The following PBX1 variants were observed in gnomAD, a reference collection of about 807,000 sequenced individuals.
PBX1 encodes pre-B-cell leukemia transcription factor 1.
A neutral mutation model predicts 53.4 loss-of-function variants in PBX1; 6 were observed. The observed-to-expected ratio is 0.11, with a 90% CI of 0.06 to 0.22. The LOEUF is 0.22. Among genes scored for constraint, PBX1 ranks in the 10% least tolerant of loss-of-function variants. PBX1 has a pLI of 1.00. For synonymous variants in PBX1, 204 were observed against 212.3 expected, an observed-to-expected ratio of 0.96 and a Z score of 0.34; for missense variants, 251 against 551.4, an observed-to-expected ratio of 0.46 and a Z score of 5.46.
intron 2 of PBX1, among the ~76,000 whole-genome samples, chr1:164,654,731 A>G (rs1305245956): frequency 6.6e-6 from 1 of 152,240 alleles, no homozygotes; most frequent in East Asian, 1.9e-4. Flanking sequence ...TCAGTTATGT[A>G]GCATTTAAGG....
chr1:164,612,453 A>AGCCCTG (rs1657000316), intron 2 of PBX1, among the ~76,000 whole-genome samples: 1 of 152,066 alleles, frequency 6.6e-6, no homozygotes. Flanking sequence ...CACCTCTCGT[A>AGCCCTG]GCTCTGGTTT....
intron 5 of PBX1, among the ~76,000 whole-genome samples, chr1:164,809,657 T>G (rs1464888171): frequency 3.9e-5 from 6 of 152,206 alleles, no homozygotes; most frequent in African/African-American, 1.4e-4. Context: ...GGAATACCTC[T>G]TGGGCTGTAT....
intron 2 of PBX1, chr1:164,772,988 A>G (rs1340413901): frequency 6.6e-6 from 1 of 152,190 alleles, no homozygotes; most frequent in East Asian, 1.9e-4. Context: ...TATCAGAACT[A>G]TCATAAGGCC....
At chr1:164,763,774 G>A (rs940860491) in intron 2 of PBX1, among the ~76,000 whole-genome samples, 1 of 152,210 alleles carries the variant, frequency 6.6e-6, no homozygotes, top group Non-Finnish European at 1.5e-5. Context: ...AGGAGGTGAT[G>A]TACTTCCCAA....
intron 2 of PBX1, among the ~76,000 whole-genome samples, chr1:164,604,479 G>A (rs1326739125): frequency 6.6e-6 from 1 of 152,306 alleles, no homozygotes; most frequent in East Asian, 1.9e-4. Flanking sequence ...CCTACTGTGT[G>A]CCAGGATGCC....
At chr1:164,632,883 G>A (rs1658497956) in intron 2 of PBX1, among the ~76,000 whole-genome samples, 1 of 152,084 alleles carries the variant, frequency 6.6e-6, no homozygotes, top group South Asian at 2.1e-4. Flanking sequence ...CTAAAAAGTG[G>A]GAAATGGATT....
intron 2 of PBX1, among the ~76,000 whole-genome samples, chr1:164,587,573 A>G (rs1655035743): frequency 6.6e-6 from 1 of 151,732 alleles, no homozygotes; most frequent in African/African-American, 2.4e-5. Context: ...GATGTCATGC[A>G]CTCTTATTCA....
intron 2 of PBX1, among the ~76,000 whole-genome samples, chr1:164,761,120 T>C (rs971912531): frequency 1.3e-5 from 2 of 152,208 alleles, no homozygotes; most frequent in Non-Finnish European, 2.9e-5. Context: ...ACCACTTCCC[T>C]CCTCCATACC....
At chr1:164,884,985 A>G (rs1213287) in intron 2 of PBX1, among the ~76,000 whole-genome samples, 54,617 of 152,110 alleles carry the variant, frequency 0.36, 12,037 homozygotes, top group East Asian at 0.56. Context: ...ACATAGGGAG[A>G]AGGCAGTGAA....
At chr1:164,729,713 A>T (rs1381563726) in intron 2 of PBX1, among the ~76,000 whole-genome samples, 1 of 152,176 alleles carries the variant, frequency 6.6e-6, no homozygotes, top group African/African-American at 2.4e-5. Flanking sequence ...ACAGCTTATA[A>T]GTGGCATATT....
chr1:164,877,255 CA>C (rs113396239), intron 2 of PBX1, among the ~76,000 whole-genome samples: 107 of 131,052 alleles, frequency 8.2e-4, no homozygotes, highest in Admixed American at 1.0e-3. Context: ...CAGTGATGGG[CA>C]AAAAAAAAAA....
At chr1:164,738,606 C>T (rs1665425431) in intron 2 of PBX1, among the ~76,000 whole-genome samples, 2 of 152,188 alleles carry the variant, frequency 1.3e-5, no homozygotes, top group South Asian at 4.1e-4. Context: ...GAAACAACCA[C>T]ACCATTTTCC....
At chr1:164,883,308 A>C (rs1672705382) in intron 2 of PBX1, among the ~76,000 whole-genome samples, 1 of 152,122 alleles carries the variant, frequency 6.6e-6, no homozygotes, top group African/African-American at 2.4e-5. Context: ...GCTATTGTCA[A>C]CTCAATCAAT....
chr1:164,848,849 C>T lies in PBX1; in HGVS notation c.*2173C>T. 9.4e-7 allele frequency: 1 copy of T among 1,065,132 alleles called. No individual in the cohort carries two copies. Among genetic ancestry groups the T allele is most frequent in the Non-Finnish European group, 1.1e-6 (1 of 879,298 alleles). 66.0% of individuals were successfully genotyped at this position (1,065,132 alleles called of 1,614,324 possible). ...AAAACACTGTGTGTGCTCAGGGGAG[C>T]AGGGGATGCCACTGAAGAAACTCAA... On this transcript the variant is annotated 3_prime_UTR_variant, in exon 9 of 9. Coordinates refer to ENST00000420696, the MANE Select transcript of PBX1 (RefSeq NM_002585.4).
chr1:164,713,648 G>T (rs1401914509), intron 2 of PBX1, among the ~76,000 whole-genome samples: 1 of 152,144 alleles, frequency 6.6e-6, no homozygotes, highest in African/African-American at 2.4e-5. Flanking sequence ...TGGTGGGAAA[G>T]AGGGGAAAGG....
chr1:164,732,919 C>T (rs1244742329), intron 2 of PBX1, among the ~76,000 whole-genome samples: 2 of 152,166 alleles, frequency 1.3e-5, no homozygotes, highest in Admixed American at 6.5e-5. Flanking sequence ...CCACTTTGGT[C>T]TTCCTTTGTC....
chr1:164,618,704 A>G (rs532228175), intron 2 of PBX1, among the ~76,000 whole-genome samples: 3 of 152,162 alleles, frequency 2.0e-5, no homozygotes, highest in Non-Finnish European at 4.4e-5. Flanking sequence ...CGAAATAAAC[A>G]CATTAGGAAC....
intron 2 of PBX1, among the ~76,000 whole-genome samples, chr1:164,754,077 C>T (rs542329436): frequency 1.1e-4 from 17 of 152,134 alleles, no homozygotes; most frequent in Non-Finnish European, 1.9e-4. Flanking sequence ...CAAAGGTGGA[C>T]TGAGCAGGTG....
At chr1:164,715,804 T>C (rs1363880859) in intron 2 of PBX1, among the ~76,000 whole-genome samples, 1 of 152,196 alleles carries the variant, frequency 6.6e-6, no homozygotes, top group Non-Finnish European at 1.5e-5. Context: ...CTTCCTCTCA[T>C]AGCATAAATT....
Sources: allele counts gnomAD v4.1 joint callset (sites outside exome capture counted in the v4.1 genomes callset), GRCh38; gene constraint gnomAD v4.1.1; transcripts MANE v1.5; gene names NCBI Gene and HGNC (gene_info 2026-07-23, HGNC 2026-07-21).